The following SLC1A1 variants were observed in gnomAD, a reference collection of about 807,000 sequenced individuals.
SLC1A1 encodes the protein excitatory amino acid transporter 3.
Under a neutral mutation model 53.3 loss-of-function variants are expected in SLC1A1, and 43 were observed. The ratio of observed to expected loss-of-function variants is 0.81; its 90% CI spans 0.63 to 1.04. The LOEUF is 1.04. SLC1A1 is among the 50% of genes least tolerant of loss of function. SLC1A1 has a pLI of 0.00. For missense variants in SLC1A1, 748 were observed against 664.9 expected (o/e 1.12, Z -1.37); for synonymous variants, 307 against 243.2 (o/e 1.26, Z -2.44).
In SLC1A1 at chr9:4,585,530, T is replaced by G; in HGVS notation, c.1547T>G (p.Ile516Ser). 1 of 1,614,118 alleles carries G rather than the reference T, an allele frequency of 6.2e-7. No individual in the cohort carries two copies. Residue 516 changes from isoleucine to serine, a missense_variant, in exon 12 of 12, where the codon ATC becomes AGC. By Grantham distance (142) the Ile-to-Ser change is moderately radical (BLOSUM62 -2). Transcript: ENST00000262352. ...TTTGCAGTAGACAAGTCTGACACCA[T>G]CTCATTCACCCAGACCTCACAGTTC... ...GGFAVDKSDT[I>S]SFTQTSQF
At chr9:4,575,017 G>A (rs372643306) in intron 8 of SLC1A1, among the ~76,000 whole-genome samples, 1 of 152,324 alleles carries the variant, frequency 6.6e-6, no homozygotes, top group African/African-American at 2.4e-5. Flanking sequence ...CAGTGCCAGG[G>A]ATCGTGTCTC....
intron 1 of SLC1A1, among the ~76,000 whole-genome samples, chr9:4,497,137 T>A (rs1417150849): frequency 2.2e-4 from 5 of 22,892 alleles, no homozygotes; most frequent in South Asian, 1.9e-3. Context: ...AAACAGAAAT[T>A]TTTTTTTGAG....
At position 4,561,419 on chromosome 9, in the gene SLC1A1, A is replaced by G. The variant is rs185366734; in HGVS notation, c.233-30A>G. On this transcript the variant is annotated intron_variant, in intron 2 of 11. Coordinates refer to ENST00000262352, the MANE Select transcript of SLC1A1 (RefSeq NM_004170.6). ...TCCTGGAAACCTGTCTTTTAAAATT[A>G]ATGTAATTTGATTTCTGTCTCCCCT... is the stretch of plus-strand genomic sequence containing the variant. The G allele has an allele frequency of 5.9e-4, 784 of 1,320,202 alleles. 2 individuals carry two copies. The African/African-American group carries it at 0.01, about 17-fold the overall frequency. The allele number at this position is 1,320,202 out of a possible 1,614,324, so 81.8% of individuals were successfully genotyped here.
In SLC1A1 at chr9:4,561,374, C is replaced by T. The variant is rs10974624; in HGVS notation, c.233-75C>T. 0.25 allele frequency: 228,655 copies of T among 902,958 alleles called. 32,049 individuals carry two copies. Among genetic ancestry groups the T allele is most frequent in the East Asian group, 0.46 (19,208 of 41,664 alleles). 55.9% of individuals were successfully genotyped at this position (902,958 alleles called of 1,614,324 possible). ...CGCCTCTCAGCTCTTTATTTCACAACCTGAGGATTAAATCGCGGGTCCTGG... is the reference window on the plus strand; with the variant it reads ...CGCCTCTCAGCTCTTTATTTCACAATCTGAGGATTAAATCGCGGGTCCTGG... On this transcript the variant is annotated intron_variant, in intron 2 of 11. Coordinates refer to ENST00000262352, the MANE Select transcript of SLC1A1 (RefSeq NM_004170.6).
At chr9:4,577,616 C>G (rs1820678763) in intron 10 of SLC1A1, among the ~76,000 whole-genome samples, 1 of 152,184 alleles carries the variant, frequency 6.6e-6, no homozygotes, top group African/African-American at 2.4e-5. Context: ...GCTGGGACTA[C>G]AGGCGTGCAC....
At position 4,556,675 on chromosome 9, in the gene SLC1A1, T is replaced by C. The variant is rs540097636; in HGVS notation, c.233-4774T>C. Among the ~76,000 whole-genome samples, 31 of 152,322 alleles carry C rather than the reference T, an allele frequency of 2.0e-4. 1 individual carries two copies. In the South Asian group the frequency reaches 5.6e-3, roughly 28 times the overall value. On this transcript the variant is annotated intron_variant, in intron 2 of 11. Transcript: ENST00000262352. The surrounding 1 kb of genome is among the most constrained non-coding windows in gnomAD (Gnocchi z 4.1). The stretch of plus-strand genomic sequence containing the variant: ...CAACGCCAGTTAAGAGTCTAATGCC[T>C]GGATTCTCATTCTCACAGTCAACAT...
intron 2 of SLC1A1, among the ~76,000 whole-genome samples, chr9:4,557,161 G>A (rs1330754661): frequency 6.6e-6 from 1 of 152,170 alleles, no homozygotes; most frequent in Non-Finnish European, 1.5e-5. Context: ...AGCTCTTTCT[G>A]TCATGTGGAA....
At chr9:4,514,004 A>G (rs1178150629) in intron 1 of SLC1A1, among the ~76,000 whole-genome samples, 1 of 152,228 alleles carries the variant, frequency 6.6e-6, no homozygotes, top group Non-Finnish European at 1.5e-5. Flanking sequence ...ATAGTGGTGG[A>G]AAACAGACTA....
At chr9:4,579,135 C>G (rs966128898) in intron 10 of SLC1A1, among the ~76,000 whole-genome samples, 3 of 152,236 alleles carry the variant, frequency 2.0e-5, no homozygotes, top group Admixed American at 2.0e-4. Context: ...AGCTGGGGAA[C>G]TATCCCAATG....
intron 1 of SLC1A1, among the ~76,000 whole-genome samples, chr9:4,497,362 G>A (rs1372206149): frequency 6.6e-6 from 1 of 152,168 alleles, no homozygotes; most frequent in African/African-American, 2.4e-5. Context: ...GCTGCTGTGT[G>A]ATATTATTAC....
rs1818450758 is a variant in SLC1A1, at chr9:4,556,909, T to C, written c.233-4540T>C. Among the ~76,000 whole-genome samples, 1 of 151,714 alleles carries C rather than the reference T, an allele frequency of 6.6e-6. No homozygotes were observed. Among genetic ancestry groups the C allele is most frequent in the Admixed American group, 6.6e-5 (1 of 15,232 alleles). The stretch of plus-strand genomic sequence containing the variant: ...TGATTAGGAAAACGGCTTTGGGGGG[T>C]GGTTTTGCACAACAACAACAACAAT... On this transcript the variant is annotated intron_variant, in intron 2 of 11. Transcript: ENST00000262352. This position sits in a 1 kb window ranked among gnomAD's most constrained non-coding sequence, Gnocchi z 4.1.
intron 1 of SLC1A1, among the ~76,000 whole-genome samples, chr9:4,508,492 C>T (rs1276213887): frequency 6.6e-6 from 1 of 152,148 alleles, no homozygotes; most frequent in Non-Finnish European, 1.5e-5. Context: ...CCAAAGGACT[C>T]CTAAGACTCC....
chr9:4,538,310 C>T (rs553708838), intron 1 of SLC1A1, among the ~76,000 whole-genome samples: 94 of 152,326 alleles, frequency 6.2e-4, no homozygotes, highest in African/African-American at 2.2e-3. Flanking sequence ...AGCAGGCAGG[C>T]AGCTTCCAGG....
chr9:4,529,475 C>G (rs1181176398), intron 1 of SLC1A1, among the ~76,000 whole-genome samples: 4 of 152,162 alleles, frequency 2.6e-5, no homozygotes, highest in Non-Finnish European at 5.9e-5. Flanking sequence ...TCCTTAAGGG[C>G]AGGGGACATG....
chr9:4,498,810 A>T (rs2130796337), intron 1 of SLC1A1, among the ~76,000 whole-genome samples: 1 of 150,202 alleles, frequency 6.7e-6, no homozygotes, highest in East Asian at 1.9e-4. Context: ...GCAAAAAAAT[A>T]TATATATATG....
intron 1 of SLC1A1, among the ~76,000 whole-genome samples, chr9:4,508,348 TGA>T (rs1462958186): frequency 1.3e-5 from 2 of 151,592 alleles, no homozygotes; most frequent in Non-Finnish European, 2.9e-5. Context: ...TGTGGGAGAG[TGA>T]GAGTCTGGTT....
intron 1 of SLC1A1, among the ~76,000 whole-genome samples, chr9:4,491,115 G>A (rs1820220063): frequency 6.6e-6 from 1 of 152,166 alleles, no homozygotes; most frequent in Admixed American, 6.5e-5. Context: ...TGTTAATCCC[G>A]CACCGTATCT....
chr9:4,532,341 G>A (rs551912664), intron 1 of SLC1A1, among the ~76,000 whole-genome samples: 1 of 152,072 alleles, frequency 6.6e-6, no homozygotes, highest in Non-Finnish European at 1.5e-5. Flanking sequence ...TGGCTAACTA[G>A]AATAACCAAT....
At chr9:4,538,335 G>A (rs928995066) in intron 1 of SLC1A1, among the ~76,000 whole-genome samples, 2 of 152,358 alleles carry the variant, frequency 1.3e-5, no homozygotes, top group Non-Finnish European at 1.5e-5. Context: ...AGTTAGGTAA[G>A]AGACAAAGGT....
Sources: allele counts gnomAD v4.1 joint callset (sites outside exome capture counted in the v4.1 genomes callset), GRCh38; gene constraint gnomAD v4.1.1; non-coding constraint Gnocchi (gnomAD v3.1); transcripts MANE v1.5; gene names NCBI Gene and HGNC (gene_info 2026-07-23, HGNC 2026-07-21).